CSMD1: variants seen among roughly 807,000 people sequenced by gnomAD.
The protein encoded by CSMD1 is CUB and sushi domain-containing protein 1.
A neutral mutation model predicts 417.5 loss-of-function variants in CSMD1; 213 were observed. The ratio of observed to expected loss-of-function variants is 0.51; its 90% CI spans 0.46 to 0.57. The LOEUF (loss-of-function observed/expected upper bound fraction) is 0.57. CSMD1 is among the 20% of genes least tolerant of loss of function. The pLI is 0.00. For missense variants in CSMD1, 6,923 were observed against 4,529.7 expected, an observed-to-expected ratio of 1.53 and a Z score of -15.17; for synonymous variants, 2,862 against 1,736.8, an observed-to-expected ratio of 1.65 and a Z score of -16.11.
chr8:3,783,210 C>A (rs1190010879), intron 5 of CSMD1, among the ~76,000 whole-genome samples: 1 of 152,164 alleles, frequency 6.6e-6, no homozygotes, highest in Non-Finnish European at 1.5e-5. Flanking sequence ...CTTTCTTGTT[C>A]CTGGATAGCA....
chr8:3,675,633 A>G (rs1454005630), intron 7 of CSMD1, among the ~76,000 whole-genome samples: 5 of 152,078 alleles, frequency 3.3e-5, no homozygotes, highest in Admixed American at 3.3e-4. Context: ...AAAGGAGGAA[A>G]CCAGGGTGTT....
intron 3 of CSMD1, among the ~76,000 whole-genome samples, chr8:4,123,251 T>C (rs1004204423): frequency 2.6e-5 from 4 of 152,184 alleles, no homozygotes; most frequent in Admixed American, 2.6e-4. Context: ...ATGTAGTAAA[T>C]GATACAGGCT....
intron 68 of CSMD1, among the ~76,000 whole-genome samples, chr8:2,945,015 T>C (rs565501826): frequency 7.9e-5 from 12 of 152,310 alleles, no homozygotes; most frequent in African/African-American, 2.2e-4. Flanking sequence ...TACCGTGAGA[T>C]TATCACATGC....
chr8:4,033,935 T>C (rs937340076), intron 3 of CSMD1, among the ~76,000 whole-genome samples: 1 of 152,216 alleles, frequency 6.6e-6, no homozygotes, highest in African/African-American at 2.4e-5. Context: ...AAATTTAGTA[T>C]GTCATCAGTA....
At chr8:3,133,263 C>T (rs971392034) in intron 41 of CSMD1, among the ~76,000 whole-genome samples, 15 of 152,300 alleles carry the variant, frequency 9.8e-5, no homozygotes, top group African/African-American at 2.9e-4. Flanking sequence ...CTGCTGTCTT[C>T]CTGGGTCCCC....
chr8:3,602,028 G>A (rs1244626068), intron 8 of CSMD1, among the ~76,000 whole-genome samples: 1 of 152,150 alleles, frequency 6.6e-6, no homozygotes, highest in African/African-American at 2.4e-5. Flanking sequence ...TGGGTATGGA[G>A]TTTCAGTTTT....
rs906422109 is a variant in CSMD1 at position 4,865,016 on chromosome 8, A to T, written c.85+129316T>A. 1.1e-3 allele frequency among the ~76,000 whole-genome samples: 162 copies of T among 151,492 alleles called. 4 individuals carry two copies. The highest frequency in any genetic ancestry group is 3.3e-3 in the African/African-American group (135 of 41,342). ...TTTAGTCTGATTTTTTAAATTTTAA[A>T]ATTTTATTTTTGTGTTTGCTTTATT... On this transcript the variant is annotated intron_variant, in intron 1 of 69. Transcript: ENST00000635120.
intron 36 of CSMD1, among the ~76,000 whole-genome samples, chr8:3,182,765 G>GTGTGTA (rs1563119422): frequency 6.9e-6 from 1 of 144,892 alleles, no homozygotes; most frequent in Non-Finnish European, 1.5e-5. Flanking sequence ...GTGTGTGTGT[G>GTGTGTA]TGTATTGTTA....
intron 10 of CSMD1, among the ~76,000 whole-genome samples, chr8:3,546,979 G>A (rs1373205421): frequency 1.3e-5 from 2 of 152,196 alleles, no homozygotes; most frequent in African/African-American, 4.8e-5. Context: ...AAGAAGGGAA[G>A]AGCAAAACTG....
intron 26 of CSMD1, among the ~76,000 whole-genome samples, chr8:3,272,462 G>C (rs1244805684): frequency 6.7e-6 from 1 of 150,084 alleles, no homozygotes; most frequent in African/African-American, 2.4e-5. Context: ...TTCCAATTCT[G>C]GGAAGAAAGT....
intron 9 of CSMD1, among the ~76,000 whole-genome samples, chr8:3,585,935 A>G (rs1800579966): frequency 6.6e-6 from 1 of 152,182 alleles, no homozygotes; most frequent in East Asian, 1.9e-4. Flanking sequence ...GTAAAACACA[A>G]AAATATTCTT....
chr8:3,309,232 G>C (rs1042085724), intron 23 of CSMD1, among the ~76,000 whole-genome samples: 8 of 152,070 alleles, frequency 5.3e-5, no homozygotes, highest in Non-Finnish European at 8.8e-5. Context: ...GCAGAATCCT[G>C]ACAGCCAGCA....
chr8:4,673,300 T>A (rs538874152), intron 1 of CSMD1, among the ~76,000 whole-genome samples: 1 of 152,180 alleles, frequency 6.6e-6, no homozygotes, highest in Non-Finnish European at 1.5e-5. Context: ...TTAAAACGCA[T>A]AAAATGCAAG....
At chr8:3,477,061 T>C (rs1480152715) in intron 11 of CSMD1, among the ~76,000 whole-genome samples, 2 of 152,218 alleles carry the variant, frequency 1.3e-5, no homozygotes, top group African/African-American at 2.4e-5. Context: ...GATCTATACA[T>C]GTATTTACAG....
intron 2 of CSMD1, among the ~76,000 whole-genome samples, chr8:4,446,757 G>C (rs752948720): frequency 0.22 from 5,698 of 25,582 alleles, 107 homozygotes; most frequent in East Asian, 0.4. Flanking sequence ...GTGTGTGTCT[G>C]TGTGTGTGTG....
chr8:4,791,066 G>T (rs567763843), intron 1 of CSMD1, among the ~76,000 whole-genome samples: 1 of 118,308 alleles, frequency 8.5e-6, no homozygotes, highest in African/African-American at 2.7e-5. Context: ...TAGGGAGAGA[G>T]ACGGTGAGAG....
At chr8:3,689,069 T>C (rs933598855) in intron 7 of CSMD1, among the ~76,000 whole-genome samples, 23 of 152,198 alleles carry the variant, frequency 1.5e-4, no homozygotes, top group African/African-American at 5.1e-4. Flanking sequence ...ATGTGACTGA[T>C]ACACTTATTC....
Position 3,929,076 on chromosome 8 carries a change from C to G in CSMD1, c.818+68827G>C, listed in dbSNP as rs1309209379. On this transcript the variant is annotated intron_variant, in intron 5 of 69. Transcript: ENST00000635120. The stretch of plus-strand genomic sequence containing the variant: ...TACTAATTGCAGAAAATTAAAAGCA[C>G]AGAGAATAAAGAAAGACTTGGAGTG... Among the ~76,000 whole-genome samples the G allele has an allele frequency of 2.0e-5, 3 of 150,254 alleles. 1 individual carries two copies. The highest frequency in any genetic ancestry group is 3.0e-5 in the Non-Finnish European group (2 of 67,522).
At chr8:4,079,939 T>C (rs1307081245) in intron 3 of CSMD1, among the ~76,000 whole-genome samples, 50 of 150,472 alleles carry the variant, frequency 3.3e-4, no homozygotes, top group Admixed American at 3.3e-3. Context: ...TGTCTTCTCA[T>C]GGAGTTGTAA....
Sources: allele counts gnomAD v4.1 joint callset (sites outside exome capture counted in the v4.1 genomes callset), GRCh38; gene constraint gnomAD v4.1.1; transcripts MANE v1.5; gene names NCBI Gene and HGNC (gene_info 2026-07-23, HGNC 2026-07-21).